The following PAG1 variants were observed in gnomAD, a reference collection of about 807,000 sequenced individuals.
PAG1 encodes phosphoprotein membrane anchor with glycosphingolipid microdomains 1.
Under a neutral mutation model 31.7 loss-of-function variants are expected in PAG1, and 23 were observed. The ratio of observed to expected loss-of-function variants is 0.73; its 90% CI spans 0.52 to 1.03. PAG1 has a LOEUF of 1.03. PAG1 is among the 50% of genes least tolerant of loss of function. PAG1 has a pLI of 0.00. For missense variants in PAG1, 473 were observed against 540.7 expected (o/e 0.87, Z 1.24); for synonymous variants, 214 against 210.3 (o/e 1.02, Z -0.15).
At chr8:81,072,924 A>AAC (rs1361306101) in intron 1 of PAG1, among the ~76,000 whole-genome samples, 1 of 152,186 alleles carries the variant, frequency 6.6e-6, no homozygotes, top group Non-Finnish European at 1.5e-5. Flanking sequence ...AGCTGCTCAA[A>AAC]ACCTTGAGAG....
chr8:81,057,630 C>T (rs888347739), intron 2 of PAG1, among the ~76,000 whole-genome samples: 14 of 152,034 alleles, frequency 9.2e-5, no homozygotes, highest in South Asian at 2.1e-4. Flanking sequence ...ACGAGTTAAT[C>T]GGTGCAGCAC....
At chr8:80,978,664 T>C (rs1287959257) in intron 8 of PAG1, among the ~76,000 whole-genome samples, 2 of 152,256 alleles carry the variant, frequency 1.3e-5, no homozygotes, top group African/African-American at 4.8e-5. Context: ...TTTGTCCTCA[T>C]TCATTAACTT....
chr8:81,024,145 T>C (rs1258020789), intron 3 of PAG1, among the ~76,000 whole-genome samples: 3 of 152,260 alleles, frequency 2.0e-5, no homozygotes, highest in African/African-American at 7.2e-5. Context: ...ATTTAAGCTA[T>C]CATTTTATTT....
At chr8:80,987,789 G>A (rs1210270279) in intron 5 of PAG1, among the ~76,000 whole-genome samples, 1 of 152,052 alleles carries the variant, frequency 6.6e-6, no homozygotes, top group Non-Finnish European at 1.5e-5. Context: ...TATAATGAAA[G>A]TTATGTGAAT....
chr8:80,982,815 G>A (rs948225462), intron 7 of PAG1, among the ~76,000 whole-genome samples: 19 of 152,098 alleles, frequency 1.2e-4, no homozygotes, highest in Middle Eastern at 3.2e-3. Flanking sequence ...CTCACTAAGC[G>A]TAGGATCCAT....
intron 1 of PAG1, among the ~76,000 whole-genome samples, chr8:81,072,949 C>T (rs1586202875): frequency 6.6e-6 from 1 of 152,166 alleles, no homozygotes; most frequent in Non-Finnish European, 1.5e-5. Context: ...TGATTTAGTG[C>T]ATGCTGACAA....
chr8:81,074,964 T>C (rs1049856672), intron 1 of PAG1, among the ~76,000 whole-genome samples: 5 of 152,216 alleles, frequency 3.3e-5, no homozygotes, highest in African/African-American at 9.7e-5. Context: ...ATGATATGGT[T>C]AGCAGGCTTA....
At chr8:80,989,508 C>G (rs1240413685) in intron 5 of PAG1, among the ~76,000 whole-genome samples, 1 of 152,088 alleles carries the variant, frequency 6.6e-6, no homozygotes, top group Non-Finnish European at 1.5e-5. Flanking sequence ...TGCCAGTGTC[C>G]GGGTAAGCAT....
intron 3 of PAG1, among the ~76,000 whole-genome samples, chr8:80,995,595 T>C (rs575757908): frequency 1.3e-4 from 20 of 152,374 alleles, no homozygotes; most frequent in Non-Finnish European, 1.0e-4. Flanking sequence ...TACAACATTT[T>C]AGGAATCACA....
intron 1 of PAG1, among the ~76,000 whole-genome samples, chr8:81,085,049 G>A (rs193255713): frequency 9.2e-5 from 14 of 152,270 alleles, no homozygotes; most frequent in South Asian, 2.1e-4. Flanking sequence ...ATTGATGAAC[G>A]CACTTTAAAA....
chr8:81,026,192 A>T (rs72674031), intron 3 of PAG1, among the ~76,000 whole-genome samples: 7,409 of 151,764 alleles, frequency 0.049, 188 homozygotes, highest in East Asian at 0.096. Context: ...GTACAATATG[A>T]GTGTTTGTTA....
At chr8:81,050,804 T>A (rs1808716220) in intron 2 of PAG1, among the ~76,000 whole-genome samples, 1 of 152,188 alleles carries the variant, frequency 6.6e-6, no homozygotes. Context: ...CGCAATCGCA[T>A]CCTCACATTC....
At chr8:81,027,672 G>A (rs553568613) in intron 3 of PAG1, among the ~76,000 whole-genome samples, 135 of 152,228 alleles carry the variant, frequency 8.9e-4, no homozygotes, top group Non-Finnish European at 1.3e-3. Context: ...TTGGGAGGCC[G>A]AGGCAGGCGG....
chr8:80,993,015 C>T, intron 4 of PAG1, 88 bp downstream of exon 4: 3 of 1,202,462 alleles, frequency 2.5e-6, no homozygotes, highest in East Asian at 2.6e-5. Context: ...TGGCGGGATT[C>T]CATTCCTAAC....
intron 2 of PAG1, among the ~76,000 whole-genome samples, chr8:81,055,080 T>C (rs114878781): frequency 0.017 from 2,640 of 151,380 alleles, 85 homozygotes; most frequent in African/African-American, 0.06. Flanking sequence ...TTTTTCTTTT[T>C]TTTTTTTTTT....
At chr8:81,057,276 T>C (rs923546889) in intron 2 of PAG1, among the ~76,000 whole-genome samples, 1 of 152,152 alleles carries the variant, frequency 6.6e-6, no homozygotes, top group East Asian at 1.9e-4. Context: ...CACACGTATG[T>C]TCATTGTGGC....
At chr8:80,989,132 T>C (rs563392850) in intron 5 of PAG1, among the ~76,000 whole-genome samples, 1 of 152,332 alleles carries the variant, frequency 6.6e-6, no homozygotes, top group South Asian at 2.1e-4. Context: ...ACACAGCAGA[T>C]AGTTCATGCT....
intron 3 of PAG1, among the ~76,000 whole-genome samples, chr8:81,009,357 C>A (rs1218925211): frequency 1.1e-4 from 16 of 151,960 alleles, no homozygotes; most frequent in Admixed American, 1.0e-3. Flanking sequence ...TTCTCAATCT[C>A]CAGATTATGC....
At chr8:81,042,437 C>T (rs1808569868) in intron 2 of PAG1, among the ~76,000 whole-genome samples, 1 of 152,156 alleles carries the variant, frequency 6.6e-6, no homozygotes, top group South Asian at 2.1e-4. Flanking sequence ...TTAACATTAC[C>T]TTTAACACAC....
Sources: gnomAD v4.1 joint callset for allele counts (sites outside exome capture counted in the v4.1 genomes callset) on GRCh38, gnomAD v4.1.1 for gene constraint, MANE v1.5 for transcripts, NCBI Gene and HGNC (gene_info 2026-07-23, HGNC 2026-07-21) for gene names.